The following ASIC2 variants were observed in gnomAD, a reference collection of about 807,000 sequenced individuals.
ASIC2 encodes acid-sensing ion channel 2.
Under a neutral mutation model 57.3 loss-of-function variants are expected in ASIC2, and 25 were observed. The observed-to-expected ratio is 0.44, with a 90% CI of 0.32 to 0.61. The LOEUF is 0.61. Among genes scored for constraint, ASIC2 ranks in the 20% least tolerant of loss-of-function variants. The pLI is 0.06. For missense variants in ASIC2, 641 were observed against 738.1 expected (o/e 0.87, Z 1.52); for synonymous variants, 319 against 307.5 (o/e 1.04, Z -0.39).
chr17:33,750,406 G>C (rs999737125), intron 1 of ASIC2, among the ~76,000 whole-genome samples: 1 of 152,194 alleles, frequency 6.6e-6, no homozygotes, highest in East Asian at 1.9e-4. Context: ...TCATGTGCAC[G>C]ATATTGTGCA....
chr17:33,177,670 T>G (rs1360575368), intron 1 of ASIC2, among the ~76,000 whole-genome samples: 1 of 152,194 alleles, frequency 6.6e-6, no homozygotes, highest in Non-Finnish European at 1.5e-5. Context: ...CTCACGTGCT[T>G]ATTTCTGAAC....
chr17:33,215,719 T>G (rs77591060), intron 1 of ASIC2, among the ~76,000 whole-genome samples: 4 of 151,628 alleles, frequency 2.6e-5, no homozygotes, highest in Admixed American at 1.3e-4. Context: ...TTTTTTTTTT[T>G]GAGACGGAGT....
At chr17:33,128,961 C>T (rs2092334918) in intron 1 of ASIC2, among the ~76,000 whole-genome samples, 1 of 152,174 alleles carries the variant, frequency 6.6e-6, no homozygotes, top group African/African-American at 2.4e-5. Context: ...AAGAGTGGGA[C>T]TGTTTCTTAT....
chr17:34,044,124 A>G (rs571312360), intron 1 of ASIC2, among the ~76,000 whole-genome samples: 873 of 50,500 alleles, frequency 0.017, 10 homozygotes, highest in African/African-American at 0.15. Context: ...ACACACACAC[A>G]CGCACGCACA....
At chr17:33,131,079 A>G (rs1245643072) in intron 1 of ASIC2, among the ~76,000 whole-genome samples, 1 of 152,186 alleles carries the variant, frequency 6.6e-6, no homozygotes, top group Admixed American at 6.5e-5. Context: ...CCTGGCATAG[A>G]GCCTACTATG....
At chr17:33,534,883 G>A (rs1284147244) in intron 1 of ASIC2, among the ~76,000 whole-genome samples, 1 of 152,340 alleles carries the variant, frequency 6.6e-6, no homozygotes, top group East Asian at 1.9e-4. Flanking sequence ...GGGCTTATCT[G>A]GAAAATCAGG....
intron 1 of ASIC2, among the ~76,000 whole-genome samples, chr17:33,424,796 C>A (rs959207532): frequency 5.3e-5 from 8 of 152,278 alleles, no homozygotes; most frequent in Middle Eastern, 3.4e-3. Flanking sequence ...TCACCTTCTA[C>A]CCCCACAGCC....
rs187526210 is a variant in ASIC2 at position 33,184,403 on chromosome 17, G to A, written c.709-72336C>T. On this transcript the variant is annotated intron_variant, in intron 1 of 9. Transcript: ENST00000225823. Reference sequence around the variant, plus strand: ...ATGCCTGGAGTTCCCTGAAAACACCGCCACCTGAGACTTAGGGAGGGAAGG... The same window carrying A: ...ATGCCTGGAGTTCCCTGAAAACACCACCACCTGAGACTTAGGGAGGGAAGG... Among the ~76,000 whole-genome samples, 508 of 152,222 alleles carry A rather than the reference G, an allele frequency of 3.3e-3. 4 individuals carry two copies. Among genetic ancestry groups the A allele is most frequent in the African/African-American group, 0.011 (462 of 41,538 alleles).
intron 1 of ASIC2, among the ~76,000 whole-genome samples, chr17:34,135,708 A>G (rs953249080): frequency 2.0e-5 from 3 of 152,174 alleles, no homozygotes; most frequent in African/African-American, 4.8e-5. Context: ...AGTAATTCAC[A>G]TCAAGGACTT....
At chr17:34,108,603 C>T (rs962635684) in intron 1 of ASIC2, among the ~76,000 whole-genome samples, 3 of 152,056 alleles carry the variant, frequency 2.0e-5, no homozygotes, top group African/African-American at 7.2e-5. Context: ...AAACATTTTG[C>T]AGTTATTGGG....
At chr17:33,383,356 AT>A (rs1909559153) in intron 1 of ASIC2, among the ~76,000 whole-genome samples, 1 of 152,188 alleles carries the variant, frequency 6.6e-6, no homozygotes, top group African/African-American at 2.4e-5. Context: ...CTTCTTGGAA[AT>A]ATCCCTTAAG....
chr17:33,411,062 A>G (rs1394079823), intron 1 of ASIC2, among the ~76,000 whole-genome samples: 1 of 152,238 alleles, frequency 6.6e-6, no homozygotes, highest in East Asian at 1.9e-4. Context: ...ATGACTAGGA[A>G]ATGGTGAAAG....
chr17:33,749,514 G>T (rs974770313), intron 1 of ASIC2, among the ~76,000 whole-genome samples: 3 of 151,948 alleles, frequency 2.0e-5, no homozygotes, highest in African/African-American at 7.3e-5. Flanking sequence ...TATTGAAGGG[G>T]AACTTCTTAG....
At chr17:33,806,103 G>A (rs1375765925) in intron 1 of ASIC2, among the ~76,000 whole-genome samples, 1 of 152,154 alleles carries the variant, frequency 6.6e-6, no homozygotes, top group Non-Finnish European at 1.5e-5. Context: ...ACACCGGAAA[G>A]CACCCACATT....
chr17:33,264,544 A>C (rs960893304), intron 1 of ASIC2, among the ~76,000 whole-genome samples: 1 of 152,234 alleles, frequency 6.6e-6, no homozygotes, highest in African/African-American at 2.4e-5. Flanking sequence ...ACTGCATCCC[A>C]TACCAGGCCA....
At chr17:34,022,113 AT>A (rs1430347665) in intron 1 of ASIC2, among the ~76,000 whole-genome samples, 1 of 152,066 alleles carries the variant, frequency 6.6e-6, no homozygotes, top group Non-Finnish European at 1.5e-5. Flanking sequence ...GGGGGTTGGT[AT>A]TTTTAAAAGT....
chr17:34,149,096 TTTTC>T (rs960238242), intron 1 of ASIC2, among the ~76,000 whole-genome samples: 10 of 144,612 alleles, frequency 6.9e-5, no homozygotes, highest in African/African-American at 2.6e-4. Flanking sequence ...TTTTTTTCTT[TTTTC>T]TTTTTTTTCT....
intron 1 of ASIC2, among the ~76,000 whole-genome samples, chr17:33,705,494 G>A (rs748618838): frequency 6.6e-6 from 1 of 152,108 alleles, no homozygotes. Flanking sequence ...AATTATTCAG[G>A]TGGGCCCTAA....
At chr17:33,956,757 T>C (rs951224086) in intron 1 of ASIC2, among the ~76,000 whole-genome samples, 3 of 152,186 alleles carry the variant, frequency 2.0e-5, no homozygotes, top group Admixed American at 2.0e-4. Context: ...TCCAGTTCTG[T>C]GGGTCTGCCA....
Sources: gnomAD v4.1 joint callset for allele counts (sites outside exome capture counted in the v4.1 genomes callset) on GRCh38, gnomAD v4.1.1 for gene constraint, MANE v1.5 for transcripts, NCBI Gene and HGNC (gene_info 2026-07-23, HGNC 2026-07-21) for gene names.